The following ERBB4 variants were observed in gnomAD, a reference collection of about 807,000 sequenced individuals.
ERBB4 encodes receptor tyrosine-protein kinase erbB-4.
Under a neutral mutation model 158.0 loss-of-function variants are expected in ERBB4, and 42 were observed. That is an observed-to-expected ratio of 0.27 (90% CI 0.21 to 0.34). The LOEUF is 0.34. Among genes scored for constraint, ERBB4 ranks in the 10% least tolerant of loss-of-function variants. The probability of loss-of-function intolerance (pLI) is 1.00; values close to 1 mark genes in which losing one functional copy is unlikely to be tolerated. For synonymous variants in ERBB4, 583 were observed against 558.7 expected (o/e 1.04, Z -0.61); for missense variants, 1,333 against 1,624.1 (o/e 0.82, Z 3.08).
intron 20 of ERBB4, among the ~76,000 whole-genome samples, chr2:211,463,815 T>G (rs1008527851): frequency 6.6e-6 from 1 of 152,084 alleles, no homozygotes; most frequent in African/African-American, 2.4e-5. Flanking sequence ...AGTCTAAGTC[T>G]TTTCAATGAC....
intron 3 of ERBB4, among the ~76,000 whole-genome samples, chr2:211,865,910 A>G (rs1192325303): frequency 3.3e-5 from 5 of 152,230 alleles, no homozygotes; most frequent in African/African-American, 1.2e-4. Flanking sequence ...GTGTAAAATA[A>G]ATTAAACACA....
chr2:211,415,444 C>A (rs2063369127), intron 25 of ERBB4, among the ~76,000 whole-genome samples: 1 of 152,076 alleles, frequency 6.6e-6, no homozygotes, highest in Non-Finnish European at 1.5e-5. Flanking sequence ...AGAATGACAT[C>A]ATTGTGTCTG....
chr2:212,330,263 G>A (rs2088072992), intron 1 of ERBB4, among the ~76,000 whole-genome samples: 1 of 151,860 alleles, frequency 6.6e-6, no homozygotes, highest in East Asian at 1.9e-4. Flanking sequence ...TGGTAATGGT[G>A]AAAGTGTTAT....
chr2:211,597,632 C>T (rs528976253), intron 19 of ERBB4, among the ~76,000 whole-genome samples: 1 of 151,504 alleles, frequency 6.6e-6, no homozygotes, highest in South Asian at 2.1e-4. Context: ...CTGTATTATA[C>T]AATATTTCAG....
At chr2:212,514,409 C>A (rs1160658502) in intron 1 of ERBB4, among the ~76,000 whole-genome samples, 1 of 152,098 alleles carries the variant, frequency 6.6e-6, no homozygotes, top group Non-Finnish European at 1.5e-5. Flanking sequence ...AAATATTATC[C>A]TGTATTTACA....
intron 3 of ERBB4, among the ~76,000 whole-genome samples, chr2:211,903,322 A>G (rs2079289344): frequency 6.6e-6 from 1 of 152,088 alleles, no homozygotes; most frequent in East Asian, 1.9e-4. Context: ...AGTATATTTT[A>G]ATGTCCTACA....
chr2:211,411,360 T>A (rs2063258172), intron 25 of ERBB4, among the ~76,000 whole-genome samples: 1 of 152,236 alleles, frequency 6.6e-6, no homozygotes, highest in Admixed American at 6.5e-5. Flanking sequence ...TTGAAAGGTT[T>A]CTCAAATTAG....
chr2:212,039,129 A>G (rs969893200), intron 2 of ERBB4, among the ~76,000 whole-genome samples: 1 of 152,090 alleles, frequency 6.6e-6, no homozygotes, highest in African/African-American at 2.4e-5. Context: ...CGGGTGCTAT[A>G]CTAGTTTTGG....
chr2:212,296,168 A>G (rs1487160548), intron 1 of ERBB4, among the ~76,000 whole-genome samples: 1 of 151,942 alleles, frequency 6.6e-6, no homozygotes, highest in Admixed American at 6.6e-5. Context: ...ATAATGATGT[A>G]TTAGCAATCA....
chr2:212,207,972 T>C (rs1421192113), intron 1 of ERBB4, among the ~76,000 whole-genome samples: 1 of 152,208 alleles, frequency 6.6e-6, no homozygotes, highest in Non-Finnish European at 1.5e-5. Flanking sequence ...TAAACTGTGC[T>C]AATTAAAGCC....
chr2:211,384,520 A>C (rs1287851043), intron 27 of ERBB4, among the ~76,000 whole-genome samples: 1 of 152,156 alleles, frequency 6.6e-6, no homozygotes, highest in Non-Finnish European at 1.5e-5. Flanking sequence ...GATGGAGTGA[A>C]GAAATCATGT....
intron 2 of ERBB4, among the ~76,000 whole-genome samples, chr2:212,057,298 G>T (rs1300416319): frequency 6.6e-6 from 1 of 152,034 alleles, no homozygotes; most frequent in Non-Finnish European, 1.5e-5. Context: ...TACAGACCTA[G>T]AAACAGACTT....
intron 1 of ERBB4, among the ~76,000 whole-genome samples, chr2:212,506,109 ATATC>A (rs1385683296): frequency 2.0e-5 from 3 of 148,616 alleles, no homozygotes. Flanking sequence ...CTTTATTATT[ATATC>A]TATTATGGTG....
intron 1 of ERBB4, among the ~76,000 whole-genome samples, chr2:212,232,493 CTGT>C (rs2083703077): frequency 6.6e-6 from 1 of 152,186 alleles, no homozygotes; most frequent in African/African-American, 2.4e-5. Context: ...ACCACAACCT[CTGT>C]CTCCTGTGTT....
intron 12 of ERBB4, among the ~76,000 whole-genome samples, chr2:211,682,628 A>G (rs893955788): frequency 9.2e-5 from 14 of 152,184 alleles, no homozygotes; most frequent in African/African-American, 3.4e-4. Flanking sequence ...TGTTGAAAAG[A>G]TATCCTTTCT....
chr2:212,325,253 G>T (rs979645130), intron 1 of ERBB4, among the ~76,000 whole-genome samples: 1 of 150,456 alleles, frequency 6.6e-6, no homozygotes, highest in African/African-American at 2.4e-5. Flanking sequence ...TGAATATAAA[G>T]GTAGTCCATA....
chr2:211,801,652 T>C (rs2076500834), intron 3 of ERBB4, among the ~76,000 whole-genome samples: 1 of 152,142 alleles, frequency 6.6e-6, no homozygotes, highest in East Asian at 1.9e-4. Context: ...AAGTAGAAAG[T>C]TCTTAACTAA....
chr2:211,477,523 G>A (rs1236535197), intron 20 of ERBB4, among the ~76,000 whole-genome samples: 2 of 152,082 alleles, frequency 1.3e-5, no homozygotes, highest in Admixed American at 1.3e-4. Context: ...GAAAGAGAAT[G>A]GAAAGGGGCT....
At chr2:212,513,909 C>T (rs1454935234) in intron 1 of ERBB4, among the ~76,000 whole-genome samples, 4 of 152,186 alleles carry the variant, frequency 2.6e-5, no homozygotes, top group African/African-American at 9.6e-5. Context: ...TCAGGTTTGT[C>T]GACTCTAAAG....
Sources: gnomAD v4.1 joint callset for allele counts (sites outside exome capture counted in the v4.1 genomes callset) on GRCh38, gnomAD v4.1.1 for gene constraint, MANE v1.5 for transcripts, NCBI Gene and HGNC (gene_info 2026-07-23, HGNC 2026-07-21) for gene names.